SPTB: variants seen among roughly 807,000 people sequenced by gnomAD.
SPTB encodes spectrin beta, erythrocytic.
Under a neutral mutation model 256.2 loss-of-function variants are expected in SPTB, and 45 were observed. The observed-to-expected ratio is 0.18, with a 90% CI of 0.14 to 0.23. SPTB has a LOEUF of 0.23. Ranked by LOEUF, SPTB falls within the 10% of genes least tolerant of loss-of-function variation. The pLI is 1.00. For synonymous variants in SPTB, 1,231 were observed against 1,243.1 expected, an observed-to-expected ratio of 0.99 and a Z score of 0.21; for missense variants, 2,715 against 3,040.4, an observed-to-expected ratio of 0.89 and a Z score of 2.52.
intron 2 of SPTB, among the ~76,000 whole-genome samples, chr14:64,814,538 CAG>C (rs2139673137): frequency 6.6e-6 from 1 of 152,230 alleles, no homozygotes; most frequent in African/African-American, 2.4e-5. Flanking sequence ...ATTTTTGAGG[CAG>C]AGTCTCCCAC....
chr14:64,855,027 G>A (rs1037297205), intron 1 of SPTB, among the ~76,000 whole-genome samples: 2 of 152,098 alleles, frequency 1.3e-5, no homozygotes, highest in Admixed American at 6.6e-5. Flanking sequence ...ACGGCAACTC[G>A]CCGGAAAACA....
intron 9 of SPTB, among the ~76,000 whole-genome samples, chr14:64,798,329 G>A (rs2082815810): frequency 6.6e-6 from 1 of 152,182 alleles, no homozygotes; most frequent in Non-Finnish European, 1.5e-5. Context: ...CTTTCACCCA[G>A]GTCCTAATGA....
chr14:64,795,586 C>G lies in SPTB; in HGVS notation c.1395G>C (p.Glu465Asp). The change falls in exon 12 of 36, where the codon GAG (glutamate) becomes GAC (aspartate). Residue 465 changes from glutamate (E) to aspartate (D), a missense_variant. Around this residue, in one of 4 missense-constraint regions of SPTB, gnomAD observed 416 missense variants for 571.1 expected, o/e 0.73. Transcript: ENST00000644917. This position sits in a 1 kb window ranked among gnomAD's most constrained non-coding sequence, Gnocchi z 6.5. ...AGGCAGCCGTGTCGGTCTCGATGGCCTCATGCTTCTTCTTGGCGGCCTCCA... is the reference window on the plus strand; with the variant it reads ...AGGCAGCCGTGTCGGTCTCGATGGCGTCATGCTTCTTCTTGGCGGCCTCCA... ...AAVEAAKKKH[E>D]AIETDTAAYE... 6.2e-7 allele frequency: 1 copy of G among 1,614,154 alleles called. No homozygotes were observed. The highest frequency in any genetic ancestry group is 8.5e-7 in the Non-Finnish European group (1 of 1,180,030).
intron 1 of SPTB, among the ~76,000 whole-genome samples, chr14:64,839,811 GAT>G (rs1265806233): frequency 9.2e-5 from 14 of 152,162 alleles, no homozygotes; most frequent in African/African-American, 3.1e-4. Context: ...TACAAATAAT[GAT>G]ACAACAAGAT....
chr14:64,843,394 T>A (rs1315020439), intron 1 of SPTB, among the ~76,000 whole-genome samples: 1 of 152,060 alleles, frequency 6.6e-6, no homozygotes, highest in African/African-American at 2.4e-5. Flanking sequence ...GCCCCCTCAT[T>A]TCCCTCCATA....
Position 64,778,618 on chromosome 14 carries a change from G to C in SPTB, c.4563+539C>G, listed in dbSNP as rs17102096. ...GGCTAAGCGAGTGCCAAAAAGCAGA[G>C]GGATGTTTGCTCCAAGGGCTCAGAG... On this transcript the variant is annotated intron_variant, in intron 22 of 35. Transcript: ENST00000644917. This position sits in a 1 kb window ranked among gnomAD's most constrained non-coding sequence, Gnocchi z 5.2. 6.6e-6 allele frequency among the ~76,000 whole-genome samples: 1 copy of C among 152,134 alleles called. No individual in the cohort carries two copies. Among genetic ancestry groups the C allele is most frequent in the Non-Finnish European group, 1.5e-5 (1 of 68,012 alleles).
At chr14:64,761,391 G>A (rs1470124663) in intron 32 of SPTB, among the ~76,000 whole-genome samples, 1 of 152,236 alleles carries the variant, frequency 6.6e-6, no homozygotes, top group Non-Finnish European at 1.5e-5. Context: ...TGAACAGGGG[G>A]AAAGAGCCAG....
chr14:64,819,487 C>T (rs1468118579), intron 2 of SPTB, among the ~76,000 whole-genome samples: 1 of 152,218 alleles, frequency 6.6e-6, no homozygotes, highest in Non-Finnish European at 1.5e-5. Flanking sequence ...CCTCCCATGT[C>T]ACCCAGCCAG....
In SPTB at chr14:64,779,042, A is replaced by G. The variant is rs2082414475; in HGVS notation, c.4563+115T>C. 9 of 799,182 alleles carry G rather than the reference A, an allele frequency of 1.1e-5. No homozygotes were observed. Among genetic ancestry groups the G allele is most frequent in the Non-Finnish European group, 1.7e-5 (8 of 470,586 alleles). 49.5% of individuals were successfully genotyped at this position (799,182 alleles called of 1,614,324 possible). On this transcript the variant is annotated intron_variant, in intron 22 of 35. Coordinates refer to ENST00000644917, the MANE Select transcript of SPTB (RefSeq NM_001355436.2). This position sits in a 1 kb window ranked among gnomAD's most constrained non-coding sequence, Gnocchi z 4.2. ...TTTGGAGACCCCAAAGCTACCAACA[A>G]GAACAATAATCTGCTGTTGCTAGCC...
intron 9 of SPTB, 150 bp downstream of exon 9, chr14:64,799,597 G>A: frequency 1.1e-6 from 1 of 924,010 alleles, no homozygotes; most frequent in Non-Finnish European, 1.7e-6. Flanking sequence ...TGGTGAAGAG[G>A]GGCACAAGGC....
At chr14:64,822,455 G>A (rs559854634) in intron 2 of SPTB, among the ~76,000 whole-genome samples, 1 of 137,384 alleles carries the variant, frequency 7.3e-6, no homozygotes, top group Non-Finnish European at 1.6e-5. Flanking sequence ...GTTTAAGGAT[G>A]AAAGGTTTCA....
At chr14:64,856,749 C>A (rs929894347) in intron 1 of SPTB, among the ~76,000 whole-genome samples, 1 of 152,202 alleles carries the variant, frequency 6.6e-6, no homozygotes, top group Non-Finnish European at 1.5e-5. Context: ...GGGAGAAGGG[C>A]GGGAGTCCTC....
intron 32 of SPTB, 98 bp downstream of exon 32, chr14:64,766,628 A>G (rs751126421): frequency 1.2e-6 from 2 of 1,611,292 alleles, no homozygotes; most frequent in East Asian, 2.2e-5. Context: ...GGGCTGCGCC[A>G]GCTCATCTCG....
Position 64,793,561 on chromosome 14 carries a change from T to A in SPTB, c.2102A>T (p.His701Leu). ...AAACTGCTTGCGCGCAACCATGCCA[T>A]GAGCCTCCTGGAAGATCTGCTCCAG... ...AHLEQIFQEA[H>L]GMVARKQFGH... Residue 701 changes from histidine (H) to leucine (L), a missense_variant, in exon 14 of 36, where the codon CAT (histidine) becomes CTT (leucine). Around this residue, in one of 4 missense-constraint regions of SPTB, gnomAD observed 2,239 missense variants for 2,384.4 expected, o/e 0.94. Coordinates refer to ENST00000644917, the MANE Select transcript of SPTB (RefSeq NM_001355436.2). This position sits in a 1 kb window ranked among gnomAD's most constrained non-coding sequence, Gnocchi z 7.0. 2 of 1,614,138 alleles carry A rather than the reference T, an allele frequency of 1.2e-6. No homozygotes were observed. The highest frequency in any genetic ancestry group is 1.7e-6 in the Non-Finnish European group (2 of 1,180,034).
At chr14:64,768,182 T>C (rs1260997658) in intron 29 of SPTB, 2 of 424,308 alleles carry the variant, frequency 4.7e-6, no homozygotes, top group East Asian at 5.2e-5. Context: ...GCTGGGACTA[T>C]AGGTGTGCAC....
rs781726880 is a variant in SPTB at position 64,779,284 on chromosome 14, T to C, written c.4474-38A>G. On this transcript the variant is annotated intron_variant, in intron 21 of 35. Coordinates refer to ENST00000644917, the MANE Select transcript of SPTB (RefSeq NM_001355436.2). The surrounding 1 kb of genome is among the most constrained non-coding windows in gnomAD (Gnocchi z 4.2). ...GGAGGCAGGAGAGAGCTGATGACAA[T>C]CACGGCCAACCTTTCCTGAGTGCTC... is the stretch of plus-strand genomic sequence containing the variant. 1 of 1,571,232 alleles carries C rather than the reference T, an allele frequency of 6.4e-7. No individual in the cohort carries two copies. The highest frequency in any genetic ancestry group is 8.7e-7 in the Non-Finnish European group (1 of 1,145,540).
chr14:64,848,359 C>T lies in SPTB; in HGVS notation c.-51-25214G>A, dbSNP rs576502609. ...CCCACTCCAAATTCTCCTCATTTGT[C>T]TCTAATAGGAGCTCCTAAATGAGAC... On this transcript the variant is annotated intron_variant, in intron 1 of 35. Coordinates refer to ENST00000644917, the MANE Select transcript of SPTB (RefSeq NM_001355436.2). Among the ~76,000 whole-genome samples the T allele has an allele frequency of 2.0e-5, 3 of 152,328 alleles. No homozygotes were observed. The South Asian group carries it at 6.2e-4, about 32-fold the overall frequency.
At chr14:64,766,104 G>A (rs1329001484) in intron 32 of SPTB, among the ~76,000 whole-genome samples, 3 of 150,094 alleles carry the variant, frequency 2.0e-5, no homozygotes, top group African/African-American at 7.4e-5. Context: ...GTGGGTGTGT[G>A]TGGATGTGTG....
At chr14:64,766,609 T>C (rs768689773) in intron 32 of SPTB, 117 bp downstream of exon 32, 18 of 1,607,828 alleles carry the variant, frequency 1.1e-5, no homozygotes, top group African/African-American at 2.7e-5. Flanking sequence ...GTGGGGAGGA[T>C]GGAGGGCGGG....
Sources: allele counts gnomAD v4.1 joint callset (sites outside exome capture counted in the v4.1 genomes callset), GRCh38; gene constraint gnomAD v4.1.1; regional missense constraint gnomAD v4.1.1; non-coding constraint Gnocchi (gnomAD v3.1); transcripts MANE v1.5; gene names NCBI Gene and HGNC (gene_info 2026-07-23, HGNC 2026-07-21).